Variants in ERC2 observed in about 807,000 individuals in gnomAD.
The protein encoded by ERC2 is ERC protein 2.
ERC2 carries 42 observed loss-of-function variants against 114.8 expected under a neutral mutation model. That is an observed-to-expected ratio of 0.37 (90% CI 0.29 to 0.47). The LOEUF (loss-of-function observed/expected upper bound fraction) is 0.47, where lower values mean the gene tolerates loss of function less well. Among genes scored for constraint, ERC2 ranks in the 20% least tolerant of loss-of-function variants. ERC2 has a pLI of 0.99. For missense variants in ERC2, 939 were observed against 1,150.7 expected (o/e 0.82, Z 2.66); for synonymous variants, 454 against 425.5 (o/e 1.07, Z -0.82).
chr3:56,200,107 T>A (rs4974180), intron 3 of ERC2, among the ~76,000 whole-genome samples: 19 of 152,070 alleles, frequency 1.2e-4, no homozygotes, highest in Non-Finnish European at 2.5e-4. Flanking sequence ...AGGGTTACTG[T>A]GAGGAATTCA....
At chr3:55,523,047 G>C (rs1440029306) in intron 17 of ERC2, among the ~76,000 whole-genome samples, 1 of 152,238 alleles carries the variant, frequency 6.6e-6, no homozygotes, top group African/African-American at 2.4e-5. Flanking sequence ...TCTAAGACTG[G>C]GTTGGCATCC....
intron 14 of ERC2, among the ~76,000 whole-genome samples, chr3:55,810,152 A>C (rs6785716): frequency 6.6e-6 from 1 of 152,334 alleles, no homozygotes; most frequent in Non-Finnish European, 1.5e-5. Flanking sequence ...TGACATGTGC[A>C]AATATCCCTG....
chr3:56,079,405 A>G (rs2077124359), intron 7 of ERC2, among the ~76,000 whole-genome samples: 1 of 152,186 alleles, frequency 6.6e-6, no homozygotes, highest in African/African-American at 2.4e-5. Context: ...TAAAAGCTAC[A>G]GTAAATGTCA....
intron 14 of ERC2, among the ~76,000 whole-genome samples, chr3:55,871,296 T>G (rs1281162373): frequency 6.6e-6 from 1 of 152,138 alleles, no homozygotes; most frequent in Non-Finnish European, 1.5e-5. Context: ...CAAGCAACCA[T>G]GAAGAAGTGA....
At chr3:56,268,233 C>T (rs1576182627) in intron 3 of ERC2, among the ~76,000 whole-genome samples, 1 of 152,284 alleles carries the variant, frequency 6.6e-6, no homozygotes. Flanking sequence ...CAGTAATATG[C>T]TGTACAAGTT....
At chr3:56,381,633 G>C (rs942345600) in intron 2 of ERC2, among the ~76,000 whole-genome samples, 3 of 150,782 alleles carry the variant, frequency 2.0e-5, no homozygotes, top group African/African-American at 7.3e-5. Flanking sequence ...TAAGGAGAAA[G>C]ACCAAAAGGA....
chr3:56,387,617 T>C (rs1316667326), intron 2 of ERC2, among the ~76,000 whole-genome samples: 1 of 152,234 alleles, frequency 6.6e-6, no homozygotes, highest in Non-Finnish European at 1.5e-5. Flanking sequence ...TCCAAGCCCT[T>C]GGACTGCCTT....
chr3:56,307,340 T>G (rs2056287916), intron 2 of ERC2, among the ~76,000 whole-genome samples: 1 of 152,204 alleles, frequency 6.6e-6, no homozygotes, highest in Admixed American at 6.5e-5. Flanking sequence ...TTATCTCAAT[T>G]TATCTTTTCC....
At chr3:56,024,952 T>A (rs2149604654) in intron 7 of ERC2, among the ~76,000 whole-genome samples, 1 of 152,284 alleles carries the variant, frequency 6.6e-6, no homozygotes, top group East Asian at 1.9e-4. Flanking sequence ...AAGAACATGA[T>A]CCATGGACCT....
At chr3:55,975,510 G>T (rs960864202) in intron 12 of ERC2, among the ~76,000 whole-genome samples, 4 of 152,060 alleles carry the variant, frequency 2.6e-5, no homozygotes, top group African/African-American at 9.7e-5. Flanking sequence ...AGAGATACAG[G>T]CTGAAGATTT....
intron 17 of ERC2, among the ~76,000 whole-genome samples, chr3:55,563,193 T>C (rs2056145354): frequency 6.6e-6 from 1 of 152,092 alleles, no homozygotes; most frequent in South Asian, 2.1e-4. Context: ...CCTTCATTGG[T>C]GTTTAAAAAG....
At chr3:55,784,404 T>C (rs2069311324) in intron 14 of ERC2, among the ~76,000 whole-genome samples, 1 of 152,210 alleles carries the variant, frequency 6.6e-6, no homozygotes, top group African/African-American at 2.4e-5. Flanking sequence ...TTATCAAGTT[T>C]CTTGATTTTG....
chr3:55,832,954 G>C (rs186591798), intron 14 of ERC2, among the ~76,000 whole-genome samples: 1 of 152,154 alleles, frequency 6.6e-6, no homozygotes, highest in East Asian at 1.9e-4. Context: ...AGAACTACAT[G>C]AAGAATGTAA....
At chr3:56,135,971 A>G (rs1470618901) in intron 6 of ERC2, among the ~76,000 whole-genome samples, 1 of 152,238 alleles carries the variant, frequency 6.6e-6, no homozygotes, top group Non-Finnish European at 1.5e-5. Context: ...CTTTGAAGCT[A>G]TTTTAAAAAG....
intron 12 of ERC2, among the ~76,000 whole-genome samples, chr3:55,979,331 G>A (rs968154997): frequency 4.6e-5 from 7 of 152,140 alleles, no homozygotes; most frequent in Non-Finnish European, 8.8e-5. Context: ...GACGGGTGGT[G>A]GTTATGTTCT....
intron 2 of ERC2, among the ~76,000 whole-genome samples, chr3:56,339,897 C>A (rs1370156469): frequency 6.6e-6 from 1 of 152,182 alleles, no homozygotes; most frequent in Non-Finnish European, 1.5e-5. Context: ...GCCACCACAG[C>A]CTCCGGGCTC....
intron 17 of ERC2, among the ~76,000 whole-genome samples, chr3:55,581,155 T>C (rs2057241863): frequency 6.6e-6 from 1 of 152,174 alleles, no homozygotes; most frequent in African/African-American, 2.4e-5. Context: ...GAGTCAGTTT[T>C]AGGATGAGCA....
chr3:56,136,556 A>G (rs2080520264), intron 6 of ERC2, among the ~76,000 whole-genome samples: 2 of 152,160 alleles, frequency 1.3e-5, no homozygotes, highest in South Asian at 4.1e-4. Flanking sequence ...ATTGTAGGGC[A>G]TAATGAAACA....
At position 55,589,377 on chromosome 3, in the gene ERC2, A is replaced by G. The variant is rs932227530; in HGVS notation, c.*40-78101T>C. Among the ~76,000 whole-genome samples the G allele has an allele frequency of 2.6e-5, 4 of 152,286 alleles. No individual in the cohort carries two copies. In the East Asian group the frequency reaches 7.7e-4, roughly 29 times the overall value. On this transcript the variant is annotated intron_variant, in intron 17 of 17. Coordinates refer to ENST00000288221, the MANE Select transcript of ERC2 (RefSeq NM_015576.3). Reference sequence around the variant, plus strand: ...GATGGTGACTCTGTGAGAATTGGAAAAAGGCACCCTTCTTCAAGACACGTG... The same window carrying G: ...GATGGTGACTCTGTGAGAATTGGAAGAAGGCACCCTTCTTCAAGACACGTG...
Sources: allele counts gnomAD v4.1 joint callset (sites outside exome capture counted in the v4.1 genomes callset), GRCh38; gene constraint gnomAD v4.1.1; transcripts MANE v1.5; gene names NCBI Gene and HGNC (gene_info 2026-07-23, HGNC 2026-07-21).